The following USP34 variants were observed in gnomAD, a reference collection of about 807,000 sequenced individuals.
USP34 encodes the protein ubiquitin specific peptidase 34.
In USP34, 70 loss-of-function variants were observed where a neutral mutation model predicts 460.3. The ratio of observed to expected loss-of-function variants is 0.15; its 90% confidence interval spans 0.13 to 0.19. The LOEUF (loss-of-function observed/expected upper bound fraction) is 0.19, where lower values mean the gene tolerates loss of function less well. Among genes scored for constraint, USP34 ranks in the 10% least tolerant of loss-of-function variants. USP34 has a pLI of 1.00. For missense variants in USP34, 3,985 were observed against 4,236.2 expected (o/e 0.94, Z 1.65); for synonymous variants, 1,647 against 1,405.3 (o/e 1.17, Z -3.85).
Position 61,348,450 on chromosome 2 carries a change from C to G in USP34, c.1705G>C (p.Ala569Pro), listed in dbSNP as rs1203152788. 6.2e-7 allele frequency: 1 copy of G among 1,612,864 alleles called. No homozygotes were observed. Among genetic ancestry groups the G allele is most frequent in the South Asian group, 1.1e-5 (1 of 91,080 alleles). ...CTGCTTCCATCTTCACCACTGTTGG[C>G]AGTTTCGTCAGAACTTCCCTGCATG... is the stretch of plus-strand genomic sequence containing the variant. Reference protein sequence around the residue: ...ESMQGSSDETANSGEDGSSGP... With the variant: ...ESMQGSSDETPNSGEDGSSGP... The change falls in exon 15 of 80, where the codon GCC becomes CCC. Residue 569 changes from alanine to proline, a missense_variant. Transcript: ENST00000398571.
At chr2:61,262,120 T>A (rs867970625) in intron 43 of USP34, among the ~76,000 whole-genome samples, 117 of 98,780 alleles carry the variant, frequency 1.2e-3, no homozygotes, top group African/African-American at 1.7e-3. Context: ...AAAAAAAATA[T>A]ATATATATAT....
chr2:61,322,292 G>T (rs895672934), intron 21 of USP34, among the ~76,000 whole-genome samples: 1 of 152,060 alleles, frequency 6.6e-6, no homozygotes, highest in Non-Finnish European at 1.5e-5. Flanking sequence ...AAAGCAAAAG[G>T]AAACTGCCTA....
At chr2:61,338,813 A>C (rs543149356) in intron 18 of USP34, among the ~76,000 whole-genome samples, 2 of 152,328 alleles carry the variant, frequency 1.3e-5, no homozygotes, top group South Asian at 2.1e-4. Flanking sequence ...AAAACCAAAA[A>C]ACAAAAAAAG....
chr2:61,360,377 AT>A (rs1296642953), intron 10 of USP34, among the ~76,000 whole-genome samples: 1 of 152,222 alleles, frequency 6.6e-6, no homozygotes, highest in East Asian at 1.9e-4. Context: ...ATATAAAAAA[AT>A]CAGCAGCATT....
At chr2:61,292,193 A>G (rs891375026) in intron 33 of USP34, among the ~76,000 whole-genome samples, 21 of 152,156 alleles carry the variant, frequency 1.4e-4, no homozygotes, top group Admixed American at 9.2e-4. Context: ...TGTTAACTAT[A>G]TTTCAAAAAA....
intron 2 of USP34, among the ~76,000 whole-genome samples, chr2:61,412,189 C>CAAA (rs10581550): frequency 2.2e-5 from 2 of 92,142 alleles, no homozygotes; most frequent in Non-Finnish European, 2.2e-5. Context: ...AACTCCATCT[C>CAAA]AAAAAAAAAA....
chr2:61,458,648 G>A (rs952149335), intron 1 of USP34, among the ~76,000 whole-genome samples: 2 of 141,472 alleles, frequency 1.4e-5, no homozygotes, highest in East Asian at 4.1e-4. Flanking sequence ...AAGGCAAAGA[G>A]AACAAGGGAA....
At chr2:61,297,086 GA>G (rs1310490589) in intron 29 of USP34, among the ~76,000 whole-genome samples, 161 bp from the exon 30 acceptor site, 1 of 152,190 alleles carries the variant, frequency 6.6e-6, no homozygotes, top group Non-Finnish European at 1.5e-5. Context: ...ACATATTTGA[GA>G]AAATTAATAG....
rs1258556240 is a variant in USP34, at chr2:61,352,099, A to T, written c.1252-1406T>A. Reference sequence around the variant, plus strand: ...TATACTTACCAGTTGAAGATCTCTAATTCAATAATCCAAAATCTTAAATGT... The same window carrying T: ...TATACTTACCAGTTGAAGATCTCTATTTCAATAATCCAAAATCTTAAATGT... On this transcript the variant is annotated intron_variant, in intron 10 of 79. Coordinates refer to ENST00000398571, the MANE Select transcript of USP34 (RefSeq NM_014709.4). Among the ~76,000 whole-genome samples the T allele has an allele frequency of 2.0e-5, 3 of 152,136 alleles. No individual in the cohort carries two copies. The East Asian group carries it at 5.8e-4, about 29-fold the overall frequency.
intron 21 of USP34, among the ~76,000 whole-genome samples, 178 bp from the exon 22 acceptor site, chr2:61,319,505 A>G (rs1186048153): frequency 2.6e-5 from 4 of 151,686 alleles, no homozygotes; most frequent in African/African-American, 7.3e-5. Flanking sequence ...ATTGATATAA[A>G]TAAGAGTTAT....
At chr2:61,344,967 TA>T (rs550126576) in intron 15 of USP34, among the ~76,000 whole-genome samples, 6 of 149,056 alleles carry the variant, frequency 4.0e-5, no homozygotes, top group East Asian at 1.9e-4. Flanking sequence ...TACATTCAAA[TA>T]AAAAAAAAAT....
chr2:61,396,246 A>C (rs1472455289), intron 3 of USP34, among the ~76,000 whole-genome samples: 4 of 152,180 alleles, frequency 2.6e-5, no homozygotes, highest in Admixed American at 2.6e-4. Context: ...ACTGCCTAAA[A>C]GCACAGTTAT....
intron 75 of USP34, among the ~76,000 whole-genome samples, chr2:61,202,680 T>A (rs2103766442): frequency 6.6e-6 from 1 of 152,322 alleles, no homozygotes; most frequent in East Asian, 1.9e-4. Context: ...ACCTCCTAAT[T>A]ACTCATATAT....
At chr2:61,313,102 T>C (rs1690644542) in intron 25 of USP34, among the ~76,000 whole-genome samples, 1 of 152,156 alleles carries the variant, frequency 6.6e-6, no homozygotes, top group Non-Finnish European at 1.5e-5. Flanking sequence ...CTGCTTAGTT[T>C]TGTGACTCTT....
chr2:61,424,692 A>G (rs1296905615), intron 1 of USP34, among the ~76,000 whole-genome samples: 1 of 152,166 alleles, frequency 6.6e-6, no homozygotes, highest in African/African-American at 2.4e-5. Context: ...CCCAGGCAAC[A>G]TGGCGAGACC....
intron 15 of USP34, chr2:61,346,374 G>C (rs1038204188): frequency 1.4e-5 from 2 of 143,864 alleles, no homozygotes; most frequent in African/African-American, 2.6e-5. Context: ...AAAAAATTAA[G>C]AATTAGCTAG....
chr2:61,351,683 T>A (rs892220486), intron 10 of USP34, among the ~76,000 whole-genome samples: 18 of 152,192 alleles, frequency 1.2e-4, no homozygotes, highest in African/African-American at 4.3e-4. Context: ...GCTGCTTCTC[T>A]TTCAGGGTAA....
At chr2:61,371,813 T>G (rs1458044916) in intron 8 of USP34, among the ~76,000 whole-genome samples, 1 of 152,166 alleles carries the variant, frequency 6.6e-6, no homozygotes. Flanking sequence ...CCCTATTTTA[T>G]CTTTTTTGCA....
At chr2:61,230,417 G>A (rs1687859024) in intron 58 of USP34, among the ~76,000 whole-genome samples, 1 of 152,108 alleles carries the variant, frequency 6.6e-6, no homozygotes, top group East Asian at 1.9e-4. Context: ...TCTCAGCTAA[G>A]GAAGCTGAGG....
Sources: gnomAD v4.1 joint callset for allele counts (sites outside exome capture counted in the v4.1 genomes callset) on GRCh38, gnomAD v4.1.1 for gene constraint, MANE v1.5 for transcripts, NCBI Gene and HGNC (gene_info 2026-07-23, HGNC 2026-07-21) for gene names.